LRRC7: variants seen among roughly 807,000 people sequenced by gnomAD.
LRRC7 encodes the protein leucine-rich repeat-containing protein 7.
In LRRC7, 23 loss-of-function variants were observed where a neutral mutation model predicts 175.7. That is an observed-to-expected ratio of 0.13 (90% CI 0.09 to 0.19). The LOEUF (loss-of-function observed/expected upper bound fraction) is 0.19. Among genes scored for constraint, LRRC7 ranks in the 10% least tolerant of loss-of-function variants. The probability of loss-of-function intolerance (pLI) is 1.00; values close to 1 mark genes in which losing one functional copy is unlikely to be tolerated. For synonymous variants in LRRC7, 685 were observed against 680.9 expected (o/e 1.01, Z -0.09); for missense variants, 1,354 against 1,904.7 (o/e 0.71, Z 5.38).
intron 7 of LRRC7, among the ~76,000 whole-genome samples, chr1:69,915,882 A>G (rs1052084396): frequency 1.3e-4 from 20 of 150,662 alleles, no homozygotes; most frequent in Non-Finnish European, 4.4e-5. Flanking sequence ...TAACATAGGG[A>G]TTCTTATTAT....
At chr1:70,043,861 G>C in intron 21 of LRRC7, 93 bp from the exon 22 acceptor site, 1 of 1,438,212 alleles carries the variant, frequency 7.0e-7, no homozygotes, top group South Asian at 1.4e-5. Context: ...CCTGCCTAAA[G>C]TTAAATGTTA....
intron 7 of LRRC7, among the ~76,000 whole-genome samples, chr1:69,886,608 C>A (rs61782594): frequency 6.7e-6 from 1 of 148,608 alleles, no homozygotes; most frequent in African/African-American, 2.5e-5. Flanking sequence ...GAGCATTTAG[C>A]CCATTTACAT....
rs1276208244 is a variant in LRRC7 at position 70,129,391 on chromosome 1, GGAAGAGGAGCGA to G, written c.*7508_*7519del. On this transcript the variant is annotated 3_prime_UTR_variant, in exon 27 of 27. Transcript: ENST00000651989. ...AGCAACCAGAATCTCTTGAATCTCT[GGAAGAGGAGCGA>G]GAATTTTGCCAATTTGTTCTAAAGA... Among the ~76,000 whole-genome samples the G allele has an allele frequency of 6.6e-6, 1 of 152,134 alleles. No individual in the cohort carries two copies. The highest frequency in any genetic ancestry group is 1.5e-5 in the Non-Finnish European group (1 of 68,028).
intron 8 of LRRC7, among the ~76,000 whole-genome samples, chr1:69,976,338 G>A (rs1248522545): frequency 6.6e-6 from 1 of 152,222 alleles, no homozygotes; most frequent in Non-Finnish European, 1.5e-5. Flanking sequence ...GAAAGATGCA[G>A]CCTGGGAGGC....
At chr1:69,972,922 T>C (rs1652398065) in intron 8 of LRRC7, among the ~76,000 whole-genome samples, 1 of 147,134 alleles carries the variant, frequency 6.8e-6, no homozygotes, top group African/African-American at 2.5e-5. Flanking sequence ...CTATATATTT[T>C]TTAATATATA....
At chr1:69,781,733 A>AAGAGAGAGAGAGAGAG (rs755676231) in intron 3 of LRRC7, among the ~76,000 whole-genome samples, 3 of 23,540 alleles carry the variant, frequency 1.3e-4, no homozygotes, top group Non-Finnish European at 2.1e-4. Context: ...GAAAGAAAGA[A>AAGAGAGAGAGAGAGAG]AGAGAGAGAG....
intron 1 of LRRC7, among the ~76,000 whole-genome samples, chr1:69,608,969 G>A (rs1458223926): frequency 7.1e-6 from 1 of 141,612 alleles, no homozygotes; most frequent in Admixed American, 7.3e-5. Context: ...TATTTAACAG[G>A]AAATATGTTC....
intron 23 of LRRC7, among the ~76,000 whole-genome samples, chr1:70,054,078 A>G (rs1192814868): frequency 2.0e-5 from 3 of 152,208 alleles, no homozygotes; most frequent in Non-Finnish European, 4.4e-5. Flanking sequence ...GCAAAGCTGA[A>G]TATGCACATA....
chr1:69,777,958 A>G (rs12140139), intron 3 of LRRC7, among the ~76,000 whole-genome samples: 32 of 152,196 alleles, frequency 2.1e-4, no homozygotes, highest in Non-Finnish European at 3.8e-4. Flanking sequence ...TTCAGGGGAA[A>G]AAACCATGCA....
At chr1:70,024,795 A>G (rs1236412640) in intron 17 of LRRC7, among the ~76,000 whole-genome samples, 1 of 152,168 alleles carries the variant, frequency 6.6e-6, no homozygotes, top group African/African-American at 2.4e-5. Context: ...CACTGCATAT[A>G]CCCAATGAAA....
chr1:69,905,116 G>A (rs1646256770), intron 7 of LRRC7, among the ~76,000 whole-genome samples: 2 of 152,106 alleles, frequency 1.3e-5, no homozygotes, highest in South Asian at 4.2e-4. Flanking sequence ...CTAATTCCAT[G>A]TCTTTACTTT....
chr1:69,833,767 G>A (rs1680807401), intron 5 of LRRC7, among the ~76,000 whole-genome samples: 1 of 152,004 alleles, frequency 6.6e-6, no homozygotes, highest in Non-Finnish European at 1.5e-5. Flanking sequence ...AACTTAGGAG[G>A]TCAGTGGAGG....
intron 16 of LRRC7, 155 bp downstream of exon 16, chr1:70,021,284 G>A: frequency 1.5e-6 from 1 of 666,088 alleles, no homozygotes; most frequent in Non-Finnish European, 2.4e-6. Context: ...TGGAAGCATT[G>A]GTGTGCTTCA....
rs796434086 is a variant in LRRC7 at position 69,969,179 on chromosome 1, A to G, written c.712-11200A>G. 1.7e-4 allele frequency among the ~76,000 whole-genome samples: 26 copies of G among 152,284 alleles called. 1 individual carries two copies. The highest frequency in any genetic ancestry group is 6.3e-4 in the African/African-American group (26 of 41,566). On this transcript the variant is annotated intron_variant, in intron 8 of 26. Coordinates refer to ENST00000651989, the MANE Select transcript of LRRC7 (RefSeq NM_001370785.2). ...CATCAAAACAGAACCTCTTTAAAGC[A>G]TAAATCACACAGAACCTATAAAACA...
chr1:70,057,638 C>A (rs1661255036), intron 23 of LRRC7, among the ~76,000 whole-genome samples: 1 of 151,944 alleles, frequency 6.6e-6, no homozygotes. Context: ...CCATCAGAAA[C>A]CACAGTAATG....
intron 1 of LRRC7, among the ~76,000 whole-genome samples, chr1:69,571,579 T>C (rs553348839): frequency 6.6e-6 from 1 of 152,200 alleles, no homozygotes; most frequent in Non-Finnish European, 1.5e-5. Context: ...AGTACATGAT[T>C]AAATATTTGA....
chr1:69,627,440 ATTTG>A (rs1651779436), intron 1 of LRRC7, among the ~76,000 whole-genome samples: 1 of 152,024 alleles, frequency 6.6e-6, no homozygotes, highest in Non-Finnish European at 1.5e-5. Flanking sequence ...TTTCTTTTAA[ATTTG>A]TTTAAGTTCT....
At position 70,046,189 on chromosome 1, in the gene LRRC7, T is replaced by A. The variant is rs555091922; in HGVS notation, c.4110+2095T>A. ...TATGACAATATAGATATATACAGTA[T>A]CTGAAAATGCCAATACACTTGAAAC... On this transcript the variant is annotated intron_variant, in intron 22 of 26. Coordinates refer to ENST00000651989, the MANE Select transcript of LRRC7 (RefSeq NM_001370785.2). 3.3e-5 allele frequency among the ~76,000 whole-genome samples: 5 copies of A among 152,246 alleles called. No individual in the cohort carries two copies. In the South Asian group the frequency reaches 6.2e-4, roughly 19 times the overall value.
intron 2 of LRRC7, among the ~76,000 whole-genome samples, chr1:69,715,881 G>A (rs1347188801): frequency 6.6e-6 from 1 of 151,902 alleles, no homozygotes; most frequent in East Asian, 1.9e-4. Flanking sequence ...TTGCTTATAG[G>A]TACCAAAATG....
Sources: gnomAD v4.1 joint callset for allele counts (sites outside exome capture counted in the v4.1 genomes callset) on GRCh38, gnomAD v4.1.1 for gene constraint, MANE v1.5 for transcripts, NCBI Gene and HGNC (gene_info 2026-07-23, HGNC 2026-07-21) for gene names.